Variants in SEMA3A observed in about 807,000 individuals in gnomAD.
SEMA3A encodes the protein semaphorin 3A, also known as semaphorin-3A.
A neutral mutation model predicts 97.9 loss-of-function variants in SEMA3A; 29 were observed. The ratio of observed to expected loss-of-function variants is 0.30; its 90% CI spans 0.22 to 0.40. The LOEUF (loss-of-function observed/expected upper bound fraction) is 0.40. Among genes scored for constraint, SEMA3A ranks in the 10% least tolerant of loss-of-function variants. The probability of loss-of-function intolerance (pLI) is 1.00; values close to 1 mark genes in which losing one functional copy is unlikely to be tolerated. For synonymous variants in SEMA3A, 321 were observed against 323.7 expected (o/e 0.99, Z 0.09); for missense variants, 763 against 951.3 (o/e 0.80, Z 2.60).
intron 4 of SEMA3A, among the ~76,000 whole-genome samples, chr7:84,087,095 T>C (rs1385789527): frequency 6.6e-6 from 1 of 152,032 alleles, no homozygotes; most frequent in Non-Finnish European, 1.5e-5. Flanking sequence ...ATTCTATGTC[T>C]TTTTTGTTGT....
intron 5 of SEMA3A, among the ~76,000 whole-genome samples, chr7:84,052,634 C>T (rs1358908914): frequency 6.6e-6 from 1 of 151,968 alleles, no homozygotes; most frequent in African/African-American, 2.4e-5. Context: ...AGCGGCCTAT[C>T]AATTTTGTTG....
intron 12 of SEMA3A, among the ~76,000 whole-genome samples, chr7:84,001,458 T>C (rs1790448128): frequency 6.6e-6 from 1 of 152,130 alleles, no homozygotes. Flanking sequence ...CTGTCAGTGA[T>C]ACAAACCTCT....
intron 4 of SEMA3A, among the ~76,000 whole-genome samples, chr7:84,075,888 G>C (rs924576186): frequency 6.6e-6 from 1 of 152,058 alleles, no homozygotes; most frequent in African/African-American, 2.4e-5. Context: ...TAACCTTTAA[G>C]GTGCATGTAG....
At chr7:83,999,653 A>T (rs1451164949) in intron 12 of SEMA3A, among the ~76,000 whole-genome samples, 4 of 152,100 alleles carry the variant, frequency 2.6e-5, no homozygotes, top group African/African-American at 9.7e-5. Context: ...CTACTAATAT[A>T]CATTTATTTA....
At chr7:84,004,137 T>C (rs1790567926) in intron 11 of SEMA3A, among the ~76,000 whole-genome samples, 1 of 152,098 alleles carries the variant, frequency 6.6e-6, no homozygotes, top group Admixed American at 6.6e-5. Context: ...CTGTTTCCCA[T>C]TGATTTATGT....
chr7:83,992,772 G>C (rs907893806), intron 12 of SEMA3A, among the ~76,000 whole-genome samples: 4 of 152,074 alleles, frequency 2.6e-5, no homozygotes, highest in Non-Finnish European at 4.4e-5. Flanking sequence ...ATGTGGTGTG[G>C]TGCCGAAAAA....
intron 6 of SEMA3A, among the ~76,000 whole-genome samples, chr7:84,017,035 C>G (rs1007576311): frequency 5.9e-5 from 9 of 152,124 alleles, no homozygotes; most frequent in African/African-American, 2.2e-4. Flanking sequence ...TTTATTAGAT[C>G]ACAAATATGT....
intron 1 of SEMA3A, among the ~76,000 whole-genome samples, chr7:84,443,585 T>C (rs1018435144): frequency 6.6e-6 from 1 of 152,162 alleles, no homozygotes; most frequent in Admixed American, 6.5e-5. Context: ...CCCTTGAAAC[T>C]CTCACGAAAT....
At chr7:84,335,106 T>G in intron 2 of SEMA3A, among the ~76,000 whole-genome samples, 1 of 152,308 alleles carries the variant, frequency 6.6e-6, no homozygotes, top group East Asian at 1.9e-4. Context: ...ATACTTTGAA[T>G]CTATTCTGTA....
At chr7:84,121,025 A>G (rs1795595522) in intron 3 of SEMA3A, among the ~76,000 whole-genome samples, 1 of 152,114 alleles carries the variant, frequency 6.6e-6, no homozygotes, top group Non-Finnish European at 1.5e-5. Flanking sequence ...TATAATAGGT[A>G]TAGCATGCTG....
chr7:84,480,221 T>C (rs973353297), intron 1 of SEMA3A, among the ~76,000 whole-genome samples: 2 of 152,210 alleles, frequency 1.3e-5, no homozygotes, highest in East Asian at 3.9e-4. Flanking sequence ...GTTTGTTTTT[T>C]TGTTTTAACT....
intron 1 of SEMA3A, among the ~76,000 whole-genome samples, chr7:84,456,363 T>C (rs1805684091): frequency 6.6e-6 from 1 of 151,834 alleles, no homozygotes; most frequent in Non-Finnish European, 1.5e-5. Context: ...TAATTCATAG[T>C]ACTCTTGGAA....
intron 15 of SEMA3A, among the ~76,000 whole-genome samples, chr7:83,975,051 A>G (rs954702730): frequency 6.6e-5 from 10 of 152,114 alleles, no homozygotes; most frequent in African/African-American, 2.4e-4. Context: ...CCAAATTTTA[A>G]TAGTCTTTAA....
At chr7:84,187,586 C>T (rs1417663416) in intron 1 of SEMA3A, among the ~76,000 whole-genome samples, 3 of 152,070 alleles carry the variant, frequency 2.0e-5, no homozygotes, top group Non-Finnish European at 2.9e-5. Context: ...ATTACTCTCA[C>T]AATCCTTTGT....
At chr7:84,251,054 C>G (rs1799596018) in intron 3 of SEMA3A, among the ~76,000 whole-genome samples, 1 of 152,088 alleles carries the variant, frequency 6.6e-6, no homozygotes. Flanking sequence ...TTTCTCTTAT[C>G]TTTAAAATTT....
At chr7:84,067,253 C>A (rs1232716884) in intron 4 of SEMA3A, among the ~76,000 whole-genome samples, 4 of 152,022 alleles carry the variant, frequency 2.6e-5, no homozygotes, top group Non-Finnish European at 5.9e-5. Flanking sequence ...CTTCCTTACA[C>A]CTTATACAAA....
intron 5 of SEMA3A, among the ~76,000 whole-genome samples, chr7:84,051,982 T>G (rs1049024184): frequency 1.7e-4 from 25 of 151,110 alleles, no homozygotes; most frequent in African/African-American, 5.3e-4. Flanking sequence ...GTGGTTTTTG[T>G]CTTTGGTTCT....
At chr7:84,215,175 T>TTTTATTTA (rs201565967) in intron 3 of SEMA3A, among the ~76,000 whole-genome samples, 8 of 151,094 alleles carry the variant, frequency 5.3e-5, no homozygotes, top group African/African-American at 1.2e-4. Context: ...CTGGCCCTTA[T>TTTTATTTA]TTTATTTATT....
chr7:84,003,507 A>G (rs1035879457), intron 11 of SEMA3A, among the ~76,000 whole-genome samples: 6 of 152,182 alleles, frequency 3.9e-5, no homozygotes, highest in African/African-American at 9.6e-5. Context: ...CTTGGTCTGT[A>G]CTGACCAATA....
Sources: gnomAD v4.1 joint callset for allele counts (sites outside exome capture counted in the v4.1 genomes callset) on GRCh38, gnomAD v4.1.1 for gene constraint, MANE v1.5 for transcripts, NCBI Gene and HGNC (gene_info 2026-07-23, HGNC 2026-07-21) for gene names.